Variants in DIAPH2 observed in about 807,000 individuals in gnomAD.
The protein encoded by DIAPH2 is diaphanous related formin 2.
A neutral mutation model predicts 92.7 loss-of-function variants in DIAPH2; 35 were observed. The observed-to-expected ratio is 0.38, with a 90% CI of 0.29 to 0.50. The LOEUF (loss-of-function observed/expected upper bound fraction) is 0.50. DIAPH2 is among the 20% of genes least tolerant of loss of function. The pLI is 0.94. For missense variants in DIAPH2, 701 were observed against 819.5 expected (o/e 0.86, Z 1.77); for synonymous variants, 301 against 280.4 (o/e 1.07, Z -0.73).
At chrX:97,465,735 C>A (rs2070506712) in intron 26 of DIAPH2, among the ~76,000 whole-genome samples, 1 of 111,721 alleles carries the variant, frequency 9.0e-6, no homozygotes, top group East Asian at 2.8e-4. Flanking sequence ...GTTGCCCAGG[C>A]TGGGGTGCAA....
intron 19 of DIAPH2, among the ~76,000 whole-genome samples, chrX:97,088,152 G>T (rs2066796645): frequency 8.9e-6 from 1 of 112,000 alleles, no homozygotes; most frequent in African/African-American, 3.2e-5. Context: ...TCTAGAAATT[G>T]GAGAGTTTCT....
chrX:97,355,087 T>A (rs985209756), intron 24 of DIAPH2, among the ~76,000 whole-genome samples: 8 of 111,905 alleles, frequency 7.1e-5, no homozygotes, highest in African/African-American at 2.3e-4. Context: ...GTCTGAGAGC[T>A]CCCTGTGTAG....
rs1306847022 is a variant in DIAPH2 at position 97,185,470 on chromosome X, TAC to T, written c.2719+43680_2719+43681del. On this transcript the variant is annotated intron_variant, in intron 22 of 26. Transcript: ENST00000324765. ...ATATGTGTGTGTATATATATATATA[TAC>T]ACATATATATATATATATATATATA... Among the ~76,000 whole-genome samples the T allele has an allele frequency of 1.4e-3, 35 of 24,729 alleles. 1 individual carries two copies. Among genetic ancestry groups the T allele is most frequent in the Non-Finnish European group, 1.6e-3 (27 of 16,472 alleles). The allele number at this position is 24,729 out of a possible 115,157, so 21.5% of individuals were successfully genotyped here. A position where few individuals can be genotyped will look rare whatever the true frequency, so the allele number is the denominator to read the frequency against.
chrX:97,510,706 G>A (rs201542141), intron 26 of DIAPH2, among the ~76,000 whole-genome samples: 1 of 93,012 alleles, frequency 1.1e-5, no homozygotes, highest in African/African-American at 3.9e-5. Flanking sequence ...AGGAAGGGAT[G>A]CAGTTTCAGC....
chrX:97,326,049 T>C (rs1417036861), intron 23 of DIAPH2, among the ~76,000 whole-genome samples: 2 of 112,688 alleles, frequency 1.8e-5, no homozygotes, highest in African/African-American at 6.4e-5. Flanking sequence ...TTAATTATTG[T>C]ATTCTTTGGA....
intron 23 of DIAPH2, among the ~76,000 whole-genome samples, chrX:97,251,705 G>C (rs952710270): frequency 8.9e-6 from 1 of 111,951 alleles, no homozygotes; most frequent in African/African-American, 3.2e-5. Context: ...TTACAGGCAC[G>C]AGCCACAGCG....
Position 96,778,107 on chromosome X carries a change from C to G in DIAPH2, c.447+19849C>G, listed in dbSNP as rs1358994870. On this transcript the variant is annotated intron_variant, in intron 4 of 26. Transcript: ENST00000324765. ...TCCATGTGTTCTCATTGTTCAATTC[C>G]CACCTATGAGTGAGAACATGTGGTG... Among the ~76,000 whole-genome samples, 9 of 100,205 alleles carry G rather than the reference C, an allele frequency of 9.0e-5. No homozygotes were observed. The East Asian group carries it at 3.1e-3, about 34-fold the overall frequency. 87.0% of individuals were successfully genotyped at this position (100,205 alleles called of 115,157 possible). A position where few individuals can be genotyped will look rare whatever the true frequency, so the allele number is the denominator to read the frequency against.
chrX:96,781,360 G>C (rs766221384), intron 4 of DIAPH2, among the ~76,000 whole-genome samples: 33 of 111,260 alleles, frequency 3.0e-4, no homozygotes, highest in African/African-American at 1.0e-3. Context: ...TAAGATCATG[G>C]TAAAGTTTAA....
intron 20 of DIAPH2, among the ~76,000 whole-genome samples, chrX:97,110,423 G>A (rs1425642447): frequency 9.0e-6 from 1 of 111,465 alleles, no homozygotes; most frequent in Admixed American, 9.6e-5. Context: ...TATCATGGAG[G>A]TATCATTTTA....
chrX:97,025,625 C>T (rs988245105), intron 17 of DIAPH2, among the ~76,000 whole-genome samples: 2 of 111,018 alleles, frequency 1.8e-5, no homozygotes, highest in Admixed American at 9.6e-5. Context: ...GCACTCCAGC[C>T]TGGGCGACAG....
At chrX:97,548,937 G>A (rs1369987298) in intron 26 of DIAPH2, among the ~76,000 whole-genome samples, 3 of 112,075 alleles carry the variant, frequency 2.7e-5, no homozygotes, top group African/African-American at 9.7e-5. Flanking sequence ...AGTGTATTTT[G>A]GAATTTTGCA....
At chrX:97,241,154 A>T (rs2068089707) in intron 22 of DIAPH2, among the ~76,000 whole-genome samples, 1 of 112,161 alleles carries the variant, frequency 8.9e-6, no homozygotes. Flanking sequence ...GACATCACTT[A>T]TACCCCTCCT....
chrX:97,190,538 G>C (rs762107355), intron 22 of DIAPH2, among the ~76,000 whole-genome samples: 3 of 112,033 alleles, frequency 2.7e-5, no homozygotes, highest in Non-Finnish European at 5.6e-5. Context: ...GTCCCATGTT[G>C]CTCCTTAGTT....
chrX:96,758,322 A>G, intron 4 of DIAPH2, 64 bp downstream of exon 4: 1 of 968,899 alleles, frequency 1.0e-6, no homozygotes, highest in South Asian at 2.4e-5. Context: ...ATTTTGCTTA[A>G]AAATAAACAA....
chrX:97,431,494 T>C (rs769729982), intron 26 of DIAPH2: 2 of 112,261 alleles, frequency 1.8e-5, no homozygotes, highest in Non-Finnish European at 3.8e-5. Flanking sequence ...TTTCTGTGAG[T>C]TTGGTACTCA....
At chrX:97,497,832 T>C (rs1347330772) in intron 26 of DIAPH2, among the ~76,000 whole-genome samples, 1 of 110,713 alleles carries the variant, frequency 9.0e-6, no homozygotes, top group Admixed American at 9.7e-5. Context: ...GGCCAAAGTG[T>C]GTAAGGGAAG....
At chrX:97,339,726 G>A (rs1221127660) in intron 23 of DIAPH2, among the ~76,000 whole-genome samples, 1 of 111,998 alleles carries the variant, frequency 8.9e-6, no homozygotes, top group Admixed American at 9.5e-5. Context: ...AGAAGATGAT[G>A]TGATTTTAGC....
chrX:97,497,356 C>T (rs766479204), intron 26 of DIAPH2, among the ~76,000 whole-genome samples: 13 of 110,557 alleles, frequency 1.2e-4, no homozygotes, highest in Non-Finnish European at 1.7e-4. Flanking sequence ...CCCACCCCCA[C>T]GCCTCCCTTC....
chrX:96,822,005 G>C (rs1183133732), intron 4 of DIAPH2, among the ~76,000 whole-genome samples: 1 of 111,418 alleles, frequency 9.0e-6, no homozygotes, highest in Non-Finnish European at 1.9e-5. Context: ...AGATTTGCCT[G>C]CTGAATACAT....
Sources: gnomAD v4.1 joint callset for allele counts (sites outside exome capture counted in the v4.1 genomes callset) on GRCh38, gnomAD v4.1.1 for gene constraint, MANE v1.5 for transcripts, NCBI Gene and HGNC (gene_info 2026-07-23, HGNC 2026-07-21) for gene names.